The following MUC4 variants were observed in gnomAD, a reference collection of about 807,000 sequenced individuals.
MUC4 encodes mucin 4, cell surface associated.
Under a neutral mutation model 257.9 loss-of-function variants are expected in MUC4, and 202 were observed. The ratio of observed to expected loss-of-function variants is 0.78; its 90% CI spans 0.70 to 0.88. The LOEUF (loss-of-function observed/expected upper bound fraction) is 0.88, where lower values mean the gene tolerates loss of function less well. Among genes scored for constraint, MUC4 ranks in the 40% least tolerant of loss-of-function variants. The pLI is 0.00. For synonymous variants in MUC4, 2,351 were observed against 2,757.1 expected (o/e 0.85, Z 4.62); for missense variants, 5,976 against 6,513.7 (o/e 0.92, Z 2.84).
At chr3:195,777,689 T>G (rs111162728) in intron 3 of MUC4, among the ~76,000 whole-genome samples, 51 of 2,366 alleles carry the variant, frequency 0.022, 1 homozygote, top group African/African-American at 0.054. Context: ...ACCTTCCACA[T>G]CCATACCTTC....
chr3:195,756,618 TTTCCTTTCTTTCC>T (rs1717707565), intron 18 of MUC4, among the ~76,000 whole-genome samples: 1 of 149,432 alleles, frequency 6.7e-6, no homozygotes, highest in South Asian at 2.1e-4. Flanking sequence ...CTTTCTTTCC[TTTCCTTTCTTTCC>T]CTCCTTCTTT....
At chr3:195,769,197 C>T (rs779227613) in intron 6 of MUC4, 45 bp from the exon 7 acceptor site, 23 of 1,607,532 alleles carry the variant, frequency 1.4e-5, no homozygotes, top group South Asian at 6.7e-5. Flanking sequence ...GTGAGAGATC[C>T]GGGGTCTCCT....
At chr3:195,774,887 C>G (rs564383425) in intron 3 of MUC4, among the ~76,000 whole-genome samples, 8 of 113,496 alleles carry the variant, frequency 7.0e-5, no homozygotes, top group Non-Finnish European at 1.2e-4. Context: ...GCAACAAGAG[C>G]GAAAACTCCA....
intron 1 of MUC4, among the ~76,000 whole-genome samples, chr3:195,801,648 G>C (rs1360387636): frequency 6.6e-6 from 1 of 152,060 alleles, no homozygotes; most frequent in Non-Finnish European, 1.5e-5. Context: ...ACCACGCACT[G>C]CTCGCTCTGC....
chr3:195,757,354 G>C lies in MUC4; in HGVS notation c.14987-26C>G, dbSNP rs1351652199. ...CTGCCCCGGGGAAGATGAGAATGTT[G>C]AGAGCTGGGAGACTCCTCGGCTCTG... On this transcript the variant is annotated intron_variant, in intron 17 of 24. Coordinates refer to ENST00000463781, the MANE Select transcript of MUC4 (RefSeq NM_018406.7). The surrounding 1 kb of genome is among the most constrained non-coding windows in gnomAD (Gnocchi z 4.8). 1.3e-6 allele frequency: 2 copies of C among 1,573,064 alleles called. No homozygotes were observed. Among genetic ancestry groups the C allele is most frequent in the Non-Finnish European group, 8.7e-7 (1 of 1,150,286 alleles).
chr3:195,759,393 T>G, intron 16 of MUC4, 132 bp from the exon 17 acceptor site: 2 of 1,251,294 alleles, frequency 1.6e-6, no homozygotes, highest in East Asian at 4.7e-5. Flanking sequence ...GAAGGAATTA[T>G]TCTGTGTACC....
chr3:195,811,145 ATATTTATTTATTTATTTATT>A (rs71885309), intron 1 of MUC4, among the ~76,000 whole-genome samples: 417 of 136,748 alleles, frequency 3.0e-3, no homozygotes, highest in East Asian at 0.01. Context: ...ATTTTATTTT[ATATTTATTTATTTATTTATT>A]TATTTATTTA....
At position 195,810,751 on chromosome 3, in the gene MUC4, TCTC is replaced by T. The variant is rs964692699; in HGVS notation, c.82+982_82+984del. Among the ~76,000 whole-genome samples, 2 of 152,088 alleles carry T rather than the reference TCTC, an allele frequency of 1.3e-5. No individual in the cohort carries two copies. The highest frequency in any genetic ancestry group is 2.4e-5 in the African/African-American group (1 of 41,414). The stretch of plus-strand genomic sequence containing the variant: ...CTTGCTTGCTGCTGTCTCCCGATCT[TCTC>T]CTCTCTCCATTCCCAGGGTCCTCAG... On this transcript the variant is annotated intron_variant, in intron 1 of 24. Transcript: ENST00000463781. This position sits in a 1 kb window ranked among gnomAD's most constrained non-coding sequence, Gnocchi z 4.2.
intron 1 of MUC4, among the ~76,000 whole-genome samples, chr3:195,800,696 T>A (rs1486731428): frequency 1.3e-5 from 2 of 152,124 alleles, no homozygotes; most frequent in African/African-American, 4.8e-5. Flanking sequence ...ATGACCTATC[T>A]TTACAAAGAA....
intron 1 of MUC4, among the ~76,000 whole-genome samples, chr3:195,806,371 C>G (rs1735988709): frequency 6.6e-6 from 1 of 152,202 alleles, no homozygotes; most frequent in Non-Finnish European, 1.5e-5. Flanking sequence ...GATGCACCTC[C>G]CCTACTCTCT....
At position 195,788,957 on chromosome 3, in the gene MUC4, T is replaced by A; in HGVS notation, c.2623A>T (p.Thr875Ser). 6.2e-7 allele frequency: 1 copy of A among 1,612,572 alleles called. No homozygotes were observed. The highest frequency in any genetic ancestry group is 8.5e-7 in the Non-Finnish European group (1 of 1,179,462). ...CCTGCAGTGGAGGCCTCAGAGAGGG[T>A]GGGATGAAAGGTGCCGGGGACGATC... ...SSIVPGTFHPTLSEASTAGRP... is the reference protein window; with the variant it reads ...SSIVPGTFHPSLSEASTAGRP... Residue 875 changes from threonine to serine, a missense_variant, in exon 2 of 25, where the codon ACC becomes TCC. Transcript: ENST00000463781.
In MUC4 at chr3:195,771,729, G is replaced by A. The variant is rs138440712; in HGVS notation, c.13165C>T (p.Arg4389Trp). The A allele has an allele frequency of 7.9e-4, 1,275 of 1,613,850 alleles. 11 individuals carry two copies. In the South Asian group the frequency reaches 0.013, roughly 16 times the overall value. Reference protein sequence around the residue: ...PNPLPTGFTGRDPVALVAPFW... With the variant: ...PNPLPTGFTGWDPVALVAPFW... ...GGAGCCACCAGGGCCACAGGGTCCC[G>A]GCCTGTGAAGCCTGTTGGGAGTGGG... The change falls in exon 5 of 25, where the codon CGG becomes TGG. Residue 4389 changes from arginine (R) to tryptophan (W), a missense_variant. Transcript: ENST00000463781.
rs1718262857 is a variant in MUC4, at chr3:195,759,117, G to A, written c.14986+7C>T. 1.9e-6 allele frequency: 3 copies of A among 1,613,124 alleles called. No individual in the cohort carries two copies. In the African/African-American group the frequency reaches 4.0e-5, roughly 22 times the overall value. On this transcript the variant is annotated splice_region_variant and intron_variant, in intron 17 of 24. Transcript: ENST00000463781. Reference sequence around the variant, plus strand: ...CCCACTCTCCCCAGCCAGCCAAATAGTCCTACCAAAGAGCTCCAAGTCGGT... The same window carrying A: ...CCCACTCTCCCCAGCCAGCCAAATAATCCTACCAAAGAGCTCCAAGTCGGT...
Position 195,751,228 on chromosome 3 carries a change from C to G in MUC4, c.15626G>C (p.Arg5209Pro). 1.2e-6 allele frequency: 2 copies of G among 1,607,032 alleles called. No individual in the cohort carries two copies. Among genetic ancestry groups the G allele is most frequent in the South Asian group, 1.1e-5 (1 of 89,384 alleles). Residue 5209 changes from arginine to proline, a missense_variant, in exon 22 of 25, where the codon CGC becomes CCC. Physicochemically the swap from Arg to Pro is moderately radical, Grantham distance 103. Around this residue, in one of 44 missense-constraint regions of MUC4, gnomAD observed 996 missense variants for 1,137.3 expected, o/e 0.88. Coordinates refer to ENST00000463781, the MANE Select transcript of MUC4 (RefSeq NM_018406.7). ...LGTLDMRAFL[R>P]NSQVERIDSA... is the part of the protein sequence containing the mutation. ...TTACATTCGTTCCACTTGGCTGTTGCGGAGAAAGGCCCGCATGTCCAGGGT... is the reference window on the plus strand; with the variant it reads ...TTACATTCGTTCCACTTGGCTGTTGGGGAGAAAGGCCCGCATGTCCAGGGT...
intron 23 of MUC4, 61 bp from the exon 24 acceptor site, chr3:195,749,125 T>C (rs1401114496): frequency 3.8e-6 from 6 of 1,574,378 alleles, no homozygotes; most frequent in Non-Finnish European, 5.2e-6. Flanking sequence ...TCAGTACCTT[T>C]TCAGCCACGA....
In MUC4 at chr3:195,747,230, A is replaced by G; in HGVS notation, c.16185T>C (p.Gly5395=). The G allele has an allele frequency of 1.2e-6, 2 of 1,614,226 alleles. No homozygotes were observed. The highest frequency in any genetic ancestry group is 1.7e-6 in the Non-Finnish European group (2 of 1,180,040). The change falls in exon 25 of 25, where the codon GGT becomes GGC. Residue 5395 remains glycine, a synonymous_variant. Transcript: ENST00000463781. ...AATAGGAGAACCTGGCCCCGGAGCA[A>G]CCCCAGAAGCGCAGGACCACGAACG... The part of the protein sequence containing the change: ...VGTFVVLRFW[G]CSGARFSYFL...
At chr3:195,765,949 G>A (rs985202133) in intron 8 of MUC4, among the ~76,000 whole-genome samples, 17 of 152,106 alleles carry the variant, frequency 1.1e-4, no homozygotes, top group African/African-American at 3.6e-4. Flanking sequence ...TGAGACCCCC[G>A]GGCCTCTTCT....
chr3:195,803,263 G>A (rs370778163), intron 1 of MUC4, among the ~76,000 whole-genome samples: 11 of 152,282 alleles, frequency 7.2e-5, no homozygotes, highest in East Asian at 3.9e-4. Flanking sequence ...CAAGACATGC[G>A]GACACAGGAC....
chr3:195,797,438 T>C (rs1210106154), intron 1 of MUC4, among the ~76,000 whole-genome samples: 1 of 152,178 alleles, frequency 6.6e-6, no homozygotes, highest in Admixed American at 6.5e-5. Flanking sequence ...TTGATAAAAG[T>C]CAACACTTAC....
Sources: gnomAD v4.1 joint callset for allele counts (sites outside exome capture counted in the v4.1 genomes callset) on GRCh38, gnomAD v4.1.1 for gene constraint, gnomAD v4.1.1 regional missense constraint, Gnocchi (gnomAD v3.1) non-coding constraint, MANE v1.5 for transcripts, NCBI Gene and HGNC (gene_info 2026-07-23, HGNC 2026-07-21) for gene names.